MACROD2: variants seen among roughly 807,000 people sequenced by gnomAD.
MACROD2 encodes mono-ADP ribosylhydrolase 2.
A neutral mutation model predicts 70.4 loss-of-function variants in MACROD2; 36 were observed. That is an observed-to-expected ratio of 0.51 (90% CI 0.39 to 0.68). MACROD2 has a LOEUF of 0.68. MACROD2 is among the 30% of genes least tolerant of loss of function. MACROD2 has a pLI of 0.00. For missense variants in MACROD2, 496 were observed against 538.4 expected (o/e 0.92, Z 0.78); for synonymous variants, 172 against 178.8 (o/e 0.96, Z 0.30).
chr20:14,858,593 T>A (rs1006329765), intron 5 of MACROD2, among the ~76,000 whole-genome samples: 1 of 152,070 alleles, frequency 6.6e-6, no homozygotes, highest in African/African-American at 2.4e-5. Flanking sequence ...ACATCCAGAC[T>A]ATAAGATTTT....
At chr20:14,108,460 A>G (rs1315009882) in intron 3 of MACROD2, among the ~76,000 whole-genome samples, 1 of 151,072 alleles carries the variant, frequency 6.6e-6, no homozygotes, top group Non-Finnish European at 1.5e-5. Flanking sequence ...AAAAGACATA[A>G]AGTGGCTAAG....
At chr20:15,507,972 C>T (rs1409531774) in intron 8 of MACROD2, among the ~76,000 whole-genome samples, 8 of 152,138 alleles carry the variant, frequency 5.3e-5, no homozygotes, top group Non-Finnish European at 7.3e-5. Context: ...CACTTTTAGG[C>T]GTTGAGCTGA....
At chr20:15,576,803 C>T (rs577166829) in intron 8 of MACROD2, among the ~76,000 whole-genome samples, 2 of 152,292 alleles carry the variant, frequency 1.3e-5, no homozygotes, top group Admixed American at 6.5e-5. Flanking sequence ...TTAATCCACA[C>T]TCAATAATTT....
chr20:15,705,989 CAT>C (rs1221714709), intron 8 of MACROD2, among the ~76,000 whole-genome samples: 1 of 152,120 alleles, frequency 6.6e-6, no homozygotes, highest in African/African-American at 2.4e-5. Context: ...ATTTTAAAAA[CAT>C]AAAGATATTT....
intron 5 of MACROD2, among the ~76,000 whole-genome samples, chr20:14,686,310 T>G (rs1476220813): frequency 6.6e-6 from 1 of 152,168 alleles, no homozygotes; most frequent in African/African-American, 2.4e-5. Flanking sequence ...CAAAATTCAT[T>G]TATGTTTTAT....
intron 3 of MACROD2, among the ~76,000 whole-genome samples, chr20:14,490,929 A>C (rs1391251819): frequency 6.6e-6 from 1 of 152,180 alleles, no homozygotes; most frequent in African/African-American, 2.4e-5. Context: ...CACTATTATA[A>C]AACATGTCTT....
chr20:14,855,722 G>C (rs2073249027), intron 5 of MACROD2, among the ~76,000 whole-genome samples: 1 of 144,566 alleles, frequency 6.9e-6, no homozygotes, highest in South Asian at 2.3e-4. Context: ...TCTTTTACAA[G>C]CTTTAATTTA....
At chr20:14,121,184 C>A (rs1023799904) in intron 3 of MACROD2, among the ~76,000 whole-genome samples, 1 of 152,020 alleles carries the variant, frequency 6.6e-6, no homozygotes, top group Non-Finnish European at 1.5e-5. Context: ...GGTGCATAGT[C>A]ATTGTGTATA....
At chr20:15,136,189 T>G (rs2076146410) in intron 5 of MACROD2, among the ~76,000 whole-genome samples, 1 of 148,900 alleles carries the variant, frequency 6.7e-6, no homozygotes, top group African/African-American at 2.5e-5. Context: ...AATGACTTTC[T>G]TCACAGAATT....
chr20:14,854,573 A>T (rs2073232952), intron 5 of MACROD2, among the ~76,000 whole-genome samples: 1 of 152,166 alleles, frequency 6.6e-6, no homozygotes, highest in African/African-American at 2.4e-5. Context: ...TGCAAATAAA[A>T]TAGATTATAT....
intron 5 of MACROD2, chr20:14,893,224 C>T (rs1274247861): frequency 6.6e-6 from 1 of 151,996 alleles, no homozygotes; most frequent in Non-Finnish European, 1.5e-5. Flanking sequence ...TTACTTCCAC[C>T]CCTTGGTTCT....
intron 6 of MACROD2, among the ~76,000 whole-genome samples, chr20:15,243,648 G>T (rs1187341985): frequency 6.6e-6 from 1 of 152,258 alleles, no homozygotes; most frequent in Admixed American, 6.5e-5. Context: ...GGGCACGGTG[G>T]CTCACGCCTG....
intron 15 of MACROD2, among the ~76,000 whole-genome samples, chr20:16,016,970 C>G (rs76088814): frequency 0.01 from 1,537 of 152,268 alleles, 18 homozygotes; most frequent in African/African-American, 0.032. Context: ...TCTCCTCCAC[C>G]CTCAACCTAA....
At chr20:15,007,437 A>T (rs564327064) in intron 5 of MACROD2, among the ~76,000 whole-genome samples, 1 of 152,110 alleles carries the variant, frequency 6.6e-6, no homozygotes, top group Non-Finnish European at 1.5e-5. Context: ...CATACATTAT[A>T]TACTCTCTTG....
chr20:15,875,106 C>A (rs1033720346), intron 9 of MACROD2, among the ~76,000 whole-genome samples: 1 of 152,076 alleles, frequency 6.6e-6, no homozygotes. Flanking sequence ...TTTCCTGGAG[C>A]CTCCAGAAAG....
At chr20:15,359,011 A>G (rs1247993785) in intron 6 of MACROD2, among the ~76,000 whole-genome samples, 1 of 152,144 alleles carries the variant, frequency 6.6e-6, no homozygotes, top group African/African-American at 2.4e-5. Flanking sequence ...TCAACGTGCT[A>G]TTCTCTTAGT....
At chr20:15,984,016 AT>A (rs1488547623) in intron 13 of MACROD2, among the ~76,000 whole-genome samples, 2 of 152,128 alleles carry the variant, frequency 1.3e-5, no homozygotes, top group East Asian at 3.8e-4. Context: ...TTTTACTTTT[AT>A]ATTAGTGTGT....
intron 5 of MACROD2, among the ~76,000 whole-genome samples, chr20:14,998,215 A>C (rs1381661509): frequency 6.6e-6 from 1 of 152,218 alleles, no homozygotes; most frequent in Non-Finnish European, 1.5e-5. Context: ...AGACATTGAC[A>C]AACAGACACA....
chr20:14,894,626 A>T lies in MACROD2; in HGVS notation c.418+209667A>T, dbSNP rs115896347. 659 of 152,302 alleles carry T rather than the reference A, an allele frequency of 4.3e-3. 9 individuals are homozygous for T. The highest frequency in any genetic ancestry group is 0.015 in the African/African-American group (626 of 41,572). 9.4% of individuals were successfully genotyped at this position (152,302 alleles called of 1,614,324 possible). The stretch of plus-strand genomic sequence containing the variant: ...TAATATTTCAGTCAAATTCTAATGC[A>T]TTAGGAATTTGTTAATATTGCATTT... On this transcript the variant is annotated intron_variant, in intron 5 of 17. Coordinates refer to ENST00000684519, the MANE Select transcript of MACROD2 (RefSeq NM_001351661.2).
Sources: allele counts gnomAD v4.1 joint callset (sites outside exome capture counted in the v4.1 genomes callset), GRCh38; gene constraint gnomAD v4.1.1; transcripts MANE v1.5; gene names NCBI Gene and HGNC (gene_info 2026-07-23, HGNC 2026-07-21).